Variants in PLCB3 observed in about 807,000 individuals in gnomAD.
PLCB3 encodes the protein 1-phosphatidylinositol 4,5-bisphosphate phosphodiesterase beta-3.
In PLCB3, 54 loss-of-function variants were observed where a neutral mutation model predicts 152.1. The ratio of observed to expected loss-of-function variants is 0.36; its 90% CI spans 0.29 to 0.45. The LOEUF (loss-of-function observed/expected upper bound fraction) is 0.45. Ranked by LOEUF, PLCB3 falls within the 20% of genes least tolerant of loss-of-function variation. The probability of loss-of-function intolerance (pLI) is 1.00; values close to 1 mark genes in which losing one functional copy is unlikely to be tolerated. For missense variants in PLCB3, 1,248 were observed against 1,687.5 expected (o/e 0.74, Z 4.56); for synonymous variants, 717 against 698.7 (o/e 1.03, Z -0.41).
chr11:64,256,244 A>G (rs1358803890), intron 8 of PLCB3, 132 bp from the exon 9 acceptor site: 2 of 739,288 alleles, frequency 2.7e-6, no homozygotes, highest in Non-Finnish European at 4.5e-6. Flanking sequence ...GCCATGACTC[A>G]CCCAGAGTCC....
Position 64,267,362 on chromosome 11 carries a change from C to G in PLCB3, c.3511C>G (p.Gln1171Glu). Residue 1171 changes from glutamine to glutamate, a missense_variant, in exon 31 of 31, where the codon CAG becomes GAG. Gln to Glu is a conservative substitution (Grantham distance 29). This residue lies in a region of PLCB3 where 477 missense variants were observed against 489.6 expected (regional missense o/e 0.97). Transcript: ENST00000279230. This position sits in a 1 kb window ranked among gnomAD's most constrained non-coding sequence, Gnocchi z 5.2. ...CATCCTTCTCCCACAGCTGCTGGCC[C>G]AGCTGGCCCAGGAGTGTCAGGAGCA... is the stretch of plus-strand genomic sequence containing the variant. ...LAEEEPKLLAQLAQECQEQRA... is the reference protein window; with the variant it reads ...LAEEEPKLLAELAQECQEQRA... 6.5e-7 allele frequency: 1 copy of G among 1,546,522 alleles called. No homozygotes were observed. The highest frequency in any genetic ancestry group is 8.7e-7 in the Non-Finnish European group (1 of 1,143,926).
chr11:64,258,343 A>G lies in PLCB3; in HGVS notation c.1013-130A>G, dbSNP rs2031650025. 1 of 996,070 alleles carries G rather than the reference A, an allele frequency of 1.0e-6. No homozygotes were observed. The highest frequency in any genetic ancestry group is 2.6e-5 in the East Asian group (1 of 38,256). The allele number at this position is 996,070 out of a possible 1,614,324, so 61.7% of individuals were successfully genotyped here. On this transcript the variant is annotated intron_variant, in intron 10 of 30. Coordinates refer to ENST00000279230, the MANE Select transcript of PLCB3 (RefSeq NM_000932.5). This position sits in a 1 kb window ranked among gnomAD's most constrained non-coding sequence, Gnocchi z 7.2. ...CCCAGCTCACGCTGGTGGGATGGAC[A>G]GGTGGTGGGTATCCATCTGAGAGAT...
Position 64,267,466 on chromosome 11 carries a change from G to A in PLCB3, c.3615G>A (p.Val1205=), listed in dbSNP as rs745532444. Residue 1205 remains valine, a synonymous_variant, in exon 31 of 31, where the codon GTG becomes GTA. Transcript: ENST00000279230. This position sits in a 1 kb window ranked among gnomAD's most constrained non-coding sequence, Gnocchi z 5.2. ...MPEGLGDGPL[V]ACASNGHAPG... is the part of the protein sequence containing the mutation. The stretch of plus-strand genomic sequence containing the variant: ...AGGGGCTGGGGGACGGGCCTCTGGT[G>A]GCCTGTGCCAGCAACGGTCACGCAC... The A allele has an allele frequency of 1.3e-6, 2 of 1,561,474 alleles. No individual in the cohort carries two copies. Among genetic ancestry groups the A allele is most frequent in the East Asian group, 2.4e-5 (1 of 42,340 alleles).
At chr11:64,260,926 A>C (rs1668113695) in intron 14 of PLCB3, among the ~76,000 whole-genome samples, 1 of 152,208 alleles carries the variant, frequency 6.6e-6, no homozygotes. Context: ...GAGAATGTCC[A>C]TATATGCTGA....
Position 64,264,031 on chromosome 11 carries a change from G to A in PLCB3, c.2571G>A (p.Glu857=). 6.4e-7 allele frequency: 1 copy of A among 1,574,602 alleles called. No homozygotes were observed. The highest frequency in any genetic ancestry group is 8.6e-7 in the Non-Finnish European group (1 of 1,161,054). ...TCTGCCTCCCCCCAGACTATGCGGA[G>A]GCCCTGATCAACCCCATTAAGCACG... ...YIPDDHQDYA[E]ALINPIKHVS... Residue 857 remains glutamate, a synonymous_variant, in exon 22 of 31, where the codon GAG becomes GAA. Coordinates refer to ENST00000279230, the MANE Select transcript of PLCB3 (RefSeq NM_000932.5).
In PLCB3 at chr11:64,260,092, C is replaced by T; in HGVS notation, c.1589C>T (p.Pro530Leu). 6.2e-7 allele frequency: 1 copy of T among 1,612,194 alleles called. No homozygotes were observed. The change falls in exon 14 of 31, where the codon CCC becomes CTC. Residue 530 changes from proline to leucine, a missense_variant. Physicochemically the swap from Pro to Leu is moderately conservative, Grantham distance 98. Transcript: ENST00000279230. The part of the protein sequence containing the change: ...SNGEEVGLEK[P>L]SLEPQKSLGD... The stretch of plus-strand genomic sequence containing the variant: ...GGGGAGGAGGTAGGGCTTGAGAAGC[C>T]CAGCCTGGAGCCTCAGAAGTCTCTG...
In PLCB3 at chr11:64,267,128, C is replaced by T. The variant is rs1021669065; in HGVS notation, c.3415-57C>T. The T allele has an allele frequency of 6.1e-6, 9 of 1,480,732 alleles. No homozygotes were observed. The highest frequency in any genetic ancestry group is 2.3e-4 in the Middle Eastern group (1 of 4,332). 91.7% of individuals were successfully genotyped at this position (1,480,732 alleles called of 1,614,324 possible). A position where few individuals can be genotyped will look rare whatever the true frequency, so the allele number is the denominator to read the frequency against. On this transcript the variant is annotated intron_variant, in intron 29 of 30. Transcript: ENST00000279230. The surrounding 1 kb of genome is among the most constrained non-coding windows in gnomAD (Gnocchi z 5.2). ...TGACTTCTATACCCAGCCAGAGCCT[C>T]GAGGCTCTAGCCCCTCCCTCAGGGC...
Position 64,261,448 on chromosome 11 carries a change from G to A in PLCB3, c.1780G>A (p.Val594Ile). ...VNATEEMSTL[V>I]NYIEPVKFKS... The stretch of plus-strand genomic sequence containing the variant: ...TGCCACTGAGGAGATGTCCACGCTT[G>A]TCAACTACATCGAACCTGTCAAGTT... Residue 594 changes from valine to isoleucine, a missense_variant, in exon 15 of 31, where the codon GTC (valine) becomes ATC (isoleucine). Around this residue, in one of 6 missense-constraint regions of PLCB3, gnomAD observed 244 missense variants for 424.4 expected, o/e 0.57. Coordinates refer to ENST00000279230, the MANE Select transcript of PLCB3 (RefSeq NM_000932.5). The A allele has an allele frequency of 6.2e-7, 1 of 1,614,192 alleles. No homozygotes were observed. Among genetic ancestry groups the A allele is most frequent in the Non-Finnish European group, 8.5e-7 (1 of 1,180,020 alleles).
rs1469200525 is a variant in PLCB3, at chr11:64,259,147, TGGCCCAGACAGCGCCGGGCGCAAGC to T, written c.1434_1458del (p.Asp479TrpfsTer8). 1 of 1,610,492 alleles carries T rather than the reference TGGCCCAGACAGCGCCGGGCGCAAGC, an allele frequency of 6.2e-7. No homozygotes were observed. Among genetic ancestry groups the T allele is most frequent in the African/African-American group, 1.3e-5 (1 of 74,838 alleles). On this transcript the variant is annotated frameshift_variant, in exon 13 of 31. Transcript: ENST00000279230. LOFTEE classifies it high-confidence loss of function. ...AGAAGCGGCACCGACCCAGCGCAGG[TGGCCCAGACAGCGCCGGGCGCAAGC>T]GGCCCCTGGAGCAGAGCAATTCTGC...
At position 64,258,465 on chromosome 11, in the gene PLCB3, C is replaced by T. The variant is rs375154491; in HGVS notation, c.1013-8C>T. ...GGCGGCCTCGGTGACAGAGCCTCGC[C>T]GCCCCAGCGGGGCAGCTGGCTGGGA... On this transcript the variant is annotated splice_polypyrimidine_tract_variant and splice_region_variant and intron_variant, in intron 10 of 30. Transcript: ENST00000279230. This position sits in a 1 kb window ranked among gnomAD's most constrained non-coding sequence, Gnocchi z 7.2. 3.7e-5 allele frequency: 60 copies of T among 1,610,542 alleles called. 2 individuals carry two copies. In the Middle Eastern group the frequency reaches 2.6e-3, roughly 71 times the overall value.
chr11:64,251,928 A>G (rs1407296281), intron 1 of PLCB3, among the ~76,000 whole-genome samples, 180 bp downstream of exon 1: 1 of 151,106 alleles, frequency 6.6e-6, no homozygotes, highest in Non-Finnish European at 1.5e-5. Context: ...TGTCCCCCCA[A>G]CTCCCAGTCC....
chr11:64,267,694 C>T lies in PLCB3; in HGVS notation c.*138C>T. The T allele has an allele frequency of 4.3e-6, 3 of 699,840 alleles. No homozygotes were observed. Among genetic ancestry groups the T allele is most frequent in the Non-Finnish European group, 7.0e-6 (3 of 431,268 alleles). The allele number at this position is 699,840 out of a possible 1,614,324, so 43.4% of individuals were successfully genotyped here. ...TTTTTTAAACCCGGGGCAAGTACCTCAGCTAACTCCCTTCATCCTCCTGGG... is the reference window on the plus strand; with the variant it reads ...TTTTTTAAACCCGGGGCAAGTACCTTAGCTAACTCCCTTCATCCTCCTGGG... On this transcript the variant is annotated 3_prime_UTR_variant, in exon 31 of 31. Transcript: ENST00000279230. The surrounding 1 kb of genome is among the most constrained non-coding windows in gnomAD (Gnocchi z 5.2).
chr11:64,261,905 A>T, intron 16 of PLCB3, 47 bp from the exon 17 acceptor site: 1 of 1,610,536 alleles, frequency 6.2e-7, no homozygotes, highest in Non-Finnish European at 8.5e-7. Flanking sequence ...GTGGAGGCTG[A>T]TGGGGTGGGC....
chr11:64,264,749 C>T (rs906141179), intron 22 of PLCB3, among the ~76,000 whole-genome samples: 1 of 152,142 alleles, frequency 6.6e-6, no homozygotes, highest in African/African-American at 2.4e-5. Flanking sequence ...ATCTTCCCCA[C>T]AGCCCATGTG....
In PLCB3 at chr11:64,254,491, T is replaced by TCC; in HGVS notation, c.176_177insCC (p.Met59IlefsTer46). The TCC allele has an allele frequency of 6.2e-7, 1 of 1,613,316 alleles. No individual in the cohort carries two copies. Reference sequence around the variant, plus strand: ...TTCTTGTACTGGACGGGCCCCAACATGGTGAGGGTGGGCGCTGGTGCAGCT... The same window carrying TCC: ...TTCTTGTACTGGACGGGCCCCAACATCCGGTGAGGGTGGGCGCTGGTGCAGCT... On this transcript the variant is annotated frameshift_variant and splice_region_variant, in exon 2 of 31. Coordinates refer to ENST00000279230, the MANE Select transcript of PLCB3 (RefSeq NM_000932.5). LOFTEE classifies it high-confidence loss of function.
At position 64,258,386 on chromosome 11, in the gene PLCB3, T is replaced by C. The variant is rs2031652121; in HGVS notation, c.1013-87T>C. On this transcript the variant is annotated intron_variant, in intron 10 of 30. Coordinates refer to ENST00000279230, the MANE Select transcript of PLCB3 (RefSeq NM_000932.5). This position sits in a 1 kb window ranked among gnomAD's most constrained non-coding sequence, Gnocchi z 7.2. ...TGAGAGATGGAGAGCCCTCTGCAAA[T>C]CCAGCATGTCCTGGTTCCAGGTGGG... The C allele has an allele frequency of 6.8e-7, 1 of 1,468,478 alleles. No individual in the cohort carries two copies. Among genetic ancestry groups the C allele is most frequent in the Non-Finnish European group, 9.2e-7 (1 of 1,089,268 alleles). The allele number at this position is 1,468,478 out of a possible 1,614,324, so 91.0% of individuals were successfully genotyped here.
Position 64,251,727 on chromosome 11 carries a change from T to C in PLCB3, c.78T>C (p.Ser26=). Residue 26 remains serine, a synonymous_variant, in exon 1 of 31, where the codon AGT becomes AGC. Coordinates refer to ENST00000279230, the MANE Select transcript of PLCB3 (RefSeq NM_000932.5). ...PTVVETLRRG[S]KFIKWDEETS... ...TGGTGGAGACCCTGCGGCGCGGGAG[T>C]AAGTTCATCAAATGGGACGAGGTAA... 6.8e-7 allele frequency: 1 copy of C among 1,466,758 alleles called. No homozygotes were observed. The highest frequency in any genetic ancestry group is 9.1e-7 in the Non-Finnish European group (1 of 1,104,342). 90.9% of individuals were successfully genotyped at this position (1,466,758 alleles called of 1,614,324 possible). A position where few individuals can be genotyped will look rare whatever the true frequency, so the allele number is the denominator to read the frequency against.
At position 64,255,804 on chromosome 11, in the gene PLCB3, C is replaced by T. The variant is rs780086167; in HGVS notation, c.681C>T (p.Asp227=). 6.2e-6 allele frequency: 10 copies of T among 1,613,352 alleles called. No homozygotes were observed. The highest frequency in any genetic ancestry group is 8.5e-6 in the Non-Finnish European group (10 of 1,179,310). The part of the protein sequence containing the change: ...LNKLCLRPDI[D]KILLEIGAKG... ...AGCTGTGTCTGCGGCCGGACATTGA[C>T]AAGATCCTGCTGGAGATGTGAGTGG... The change falls in exon 8 of 31, where the codon GAC becomes GAT. Residue 227 remains aspartate (D), a synonymous_variant. Coordinates refer to ENST00000279230, the MANE Select transcript of PLCB3 (RefSeq NM_000932.5). This position sits in a 1 kb window ranked among gnomAD's most constrained non-coding sequence, Gnocchi z 6.8.
chr11:64,265,331 A>C lies in PLCB3; in HGVS notation c.2864A>C (p.Asp955Ala). The change falls in exon 25 of 31, where the codon GAT becomes GCT. Residue 955 changes from aspartate to alanine, a missense_variant. Physicochemically the swap from Asp to Ala is moderately radical, Grantham distance 126. Around this residue, in one of 6 missense-constraint regions of PLCB3, gnomAD observed 477 missense variants for 489.6 expected, o/e 0.97. Transcript: ENST00000279230. ...ILSEVAPTPL[D>A]ELRGHKALVK... is the part of the protein sequence containing the mutation. Reference sequence around the variant, plus strand: ...CCAGAGGTGGCCCCCACCCCGCTGGATGAGCTCCGAGGTCACAAGGCTCTG... The same window carrying C: ...CCAGAGGTGGCCCCCACCCCGCTGGCTGAGCTCCGAGGTCACAAGGCTCTG... 7.4e-7 allele frequency: 1 copy of C among 1,342,538 alleles called. No homozygotes were observed. Among genetic ancestry groups the C allele is most frequent in the Non-Finnish European group, 9.9e-7 (1 of 1,008,456 alleles). 83.2% of individuals were successfully genotyped at this position (1,342,538 alleles called of 1,614,324 possible). A position where few individuals can be genotyped will look rare whatever the true frequency, so the allele number is the denominator to read the frequency against.
Sources: allele counts gnomAD v4.1 joint callset (sites outside exome capture counted in the v4.1 genomes callset), GRCh38; gene constraint gnomAD v4.1.1; regional missense constraint gnomAD v4.1.1; non-coding constraint Gnocchi (gnomAD v3.1); transcripts MANE v1.5; gene names NCBI Gene and HGNC (gene_info 2026-07-23, HGNC 2026-07-21).